Variants in SEMA5A observed in about 807,000 individuals in gnomAD.
SEMA5A encodes semaphorin 5A, also known as semaphorin-5A.
A neutral mutation model predicts 135.5 loss-of-function variants in SEMA5A; 55 were observed. That is an observed-to-expected ratio of 0.41 (90% CI 0.33 to 0.51). The LOEUF (loss-of-function observed/expected upper bound fraction) is 0.51, where lower values mean the gene tolerates loss of function less well. Ranked by LOEUF, SEMA5A falls within the 20% of genes least tolerant of loss-of-function variation. The probability of loss-of-function intolerance (pLI) is 0.37; values close to 1 mark genes in which losing one functional copy is unlikely to be tolerated. For missense variants in SEMA5A, 1,290 were observed against 1,419.9 expected, an observed-to-expected ratio of 0.91 and a Z score of 1.47; for synonymous variants, 580 against 546.5, an observed-to-expected ratio of 1.06 and a Z score of -0.85.
rs140190735 is a variant in SEMA5A at position 9,476,801 on chromosome 5, G to A, written c.-174-38949C>T. On this transcript the variant is annotated intron_variant, in intron 1 of 22. Coordinates refer to ENST00000382496, the MANE Select transcript of SEMA5A (RefSeq NM_003966.3). ...AAAACAGCAGAACTGTACCAGATTT[G>A]GTGGCTCATATCTGTCATCCCAGCA... Among the ~76,000 whole-genome samples the A allele has an allele frequency of 6.2e-3, 944 of 152,120 alleles. 9 individuals carry two copies. Among genetic ancestry groups the A allele is most frequent in the African/African-American group, 0.022 (895 of 41,476 alleles).
intron 12 of SEMA5A, among the ~76,000 whole-genome samples, chr5:9,141,030 A>G (rs966081203): frequency 2.6e-5 from 4 of 152,222 alleles, no homozygotes; most frequent in Non-Finnish European, 2.9e-5. Flanking sequence ...TCTTAACATT[A>G]CACTTATCCT....
intron 5 of SEMA5A, among the ~76,000 whole-genome samples, chr5:9,249,166 A>G (rs1175069833): frequency 6.6e-6 from 1 of 152,202 alleles, no homozygotes; most frequent in Non-Finnish European, 1.5e-5. Flanking sequence ...GATTATTTTG[A>G]GAAAGCCTAG....
At chr5:9,410,716 G>A (rs527853117) in intron 2 of SEMA5A, among the ~76,000 whole-genome samples, 5 of 152,042 alleles carry the variant, frequency 3.3e-5, no homozygotes, top group Admixed American at 2.0e-4. Flanking sequence ...TTAGGAGGTG[G>A]GGGTGAGGGG....
At chr5:9,412,437 T>C (rs1170939171) in intron 2 of SEMA5A, among the ~76,000 whole-genome samples, 1 of 151,862 alleles carries the variant, frequency 6.6e-6, no homozygotes, top group Non-Finnish European at 1.5e-5. Context: ...ATCAGGACTG[T>C]ATATAAAGTA....
At chr5:9,393,730 T>TA (rs1334683886) in intron 2 of SEMA5A, among the ~76,000 whole-genome samples, 4 of 152,102 alleles carry the variant, frequency 2.6e-5, no homozygotes, top group Non-Finnish European at 5.9e-5. Context: ...AGTGTCTTCC[T>TA]AAAAAAAGAC....
At chr5:9,255,836 A>T (rs1028192462) in intron 5 of SEMA5A, among the ~76,000 whole-genome samples, 1 of 152,170 alleles carries the variant, frequency 6.6e-6, no homozygotes, top group Non-Finnish European at 1.5e-5. Context: ...ATTCCTTGGC[A>T]TATCCAAAAG....
chr5:9,332,121 C>T (rs1476436580), intron 4 of SEMA5A, among the ~76,000 whole-genome samples: 2 of 149,972 alleles, frequency 1.3e-5, no homozygotes, highest in East Asian at 4.0e-4. Context: ...TAGTTATAGA[C>T]TGGTACTCAC....
chr5:9,236,399 G>A (rs1806009), intron 6 of SEMA5A, among the ~76,000 whole-genome samples: 1,547 of 152,264 alleles, frequency 0.01, 22 homozygotes, highest in Non-Finnish European at 0.015. Context: ...TTATTTAAAG[G>A]ACTGTGCTCT....
chr5:9,364,233 G>A lies in SEMA5A; in HGVS notation c.124+15590C>T, dbSNP rs73052657. On this transcript the variant is annotated intron_variant, in intron 3 of 22. Coordinates refer to ENST00000382496, the MANE Select transcript of SEMA5A (RefSeq NM_003966.3). ...TTGCCCTTAAGAGCTTTCAAAATCT[G>A]AATTAAATCAGAGAAGACATTGAAC... Among the ~76,000 whole-genome samples, 1,349 of 152,208 alleles carry A rather than the reference G, an allele frequency of 8.9e-3. 23 individuals are homozygous for A. The highest frequency in any genetic ancestry group is 0.031 in the African/African-American group (1,281 of 41,526).
chr5:9,330,341 G>T (rs1248269869), intron 4 of SEMA5A, among the ~76,000 whole-genome samples: 4 of 150,040 alleles, frequency 2.7e-5, no homozygotes, highest in Non-Finnish European at 4.4e-5. Context: ...AGTGAGCTGA[G>T]ATCACACCAC....
At chr5:9,489,831 ACT>A (rs1459271375) in intron 1 of SEMA5A, among the ~76,000 whole-genome samples, 1 of 152,132 alleles carries the variant, frequency 6.6e-6, no homozygotes, top group Non-Finnish European at 1.5e-5. Flanking sequence ...CTTTAAGTAC[ACT>A]GACTTCAAGT....
chr5:9,177,117 G>A (rs967270595), intron 11 of SEMA5A, among the ~76,000 whole-genome samples: 4 of 152,190 alleles, frequency 2.6e-5, no homozygotes, highest in Non-Finnish European at 5.9e-5. Context: ...CCCATAAACA[G>A]ACTCAGAGGA....
intron 2 of SEMA5A, among the ~76,000 whole-genome samples, chr5:9,422,110 A>G (rs1348578192): frequency 1.3e-5 from 2 of 152,224 alleles, no homozygotes; most frequent in African/African-American, 4.8e-5. Flanking sequence ...AGGAACTTGG[A>G]AAAGATCCAG....
At chr5:9,379,746 T>C in intron 3 of SEMA5A, 77 bp downstream of exon 3, 1 of 1,532,420 alleles carries the variant, frequency 6.5e-7, no homozygotes, top group Admixed American at 1.9e-5. Flanking sequence ...TTCGTGATGC[T>C]CTATTATCTT....
At chr5:9,316,749 A>T (rs1259092910) in intron 5 of SEMA5A, among the ~76,000 whole-genome samples, 1 of 152,138 alleles carries the variant, frequency 6.6e-6, no homozygotes, top group African/African-American at 2.4e-5. Context: ...AAATCAAGCT[A>T]ATTAATATGC....
chr5:9,209,467 A>G (rs557333246), intron 8 of SEMA5A, among the ~76,000 whole-genome samples: 2 of 152,374 alleles, frequency 1.3e-5, no homozygotes, highest in Non-Finnish European at 2.9e-5. Flanking sequence ...TCAAATTAAT[A>G]CAAGGTTTTT....
chr5:9,168,104 G>A (rs559966891), intron 11 of SEMA5A, among the ~76,000 whole-genome samples: 1 of 152,246 alleles, frequency 6.6e-6, no homozygotes, highest in Non-Finnish European at 1.5e-5. Flanking sequence ...GAGGTGAGAA[G>A]CTGAAGTGAG....
chr5:9,079,043 C>T lies in SEMA5A; in HGVS notation c.2074-12397G>A, dbSNP rs543847383. On this transcript the variant is annotated intron_variant, in intron 16 of 22. Transcript: ENST00000382496. ...AATATAAATAAAAATAAATGTGAAT[C>T]GCATGGCTTAAATATATACCAACTT... Among the ~76,000 whole-genome samples the T allele has an allele frequency of 3.9e-5, 6 of 152,112 alleles. No individual in the cohort carries two copies. In the South Asian group the frequency reaches 6.2e-4, roughly 16 times the overall value.
chr5:9,400,186 A>G (rs1315433897), intron 2 of SEMA5A, among the ~76,000 whole-genome samples: 2 of 152,170 alleles, frequency 1.3e-5, no homozygotes, highest in Non-Finnish European at 2.9e-5. Flanking sequence ...GAGGGAGAGC[A>G]TTAAGACAAA....
Sources: gnomAD v4.1 joint callset for allele counts (sites outside exome capture counted in the v4.1 genomes callset) on GRCh38, gnomAD v4.1.1 for gene constraint, MANE v1.5 for transcripts, NCBI Gene and HGNC (gene_info 2026-07-23, HGNC 2026-07-21) for gene names.